The following CEP112 variants were observed in gnomAD, a reference collection of about 807,000 sequenced individuals.
The protein encoded by CEP112 is centrosomal protein 112.
Under a neutral mutation model 153.0 loss-of-function variants are expected in CEP112, and 127 were observed. The ratio of observed to expected loss-of-function variants is 0.83; its 90% CI spans 0.72 to 0.96. The LOEUF (loss-of-function observed/expected upper bound fraction) is 0.96. CEP112 is among the 40% of genes least tolerant of loss of function. The pLI is 0.00. For synonymous variants in CEP112, 358 were observed against 374.4 expected (o/e 0.96, Z 0.51); for missense variants, 1,089 against 1,101.2 (o/e 0.99, Z 0.16).
chr17:65,689,319 T>A (rs982740002), intron 23 of CEP112, 101 bp from the exon 24 acceptor site: 2 of 745,116 alleles, frequency 2.7e-6, no homozygotes, highest in Non-Finnish European at 2.2e-6. Flanking sequence ...ATCTCTAGTT[T>A]ATTACTCTTG....
chr17:65,694,975 T>A (rs1372231469), intron 23 of CEP112, among the ~76,000 whole-genome samples: 1 of 152,222 alleles, frequency 6.6e-6, no homozygotes, highest in Non-Finnish European at 1.5e-5. Context: ...TGCAGAACTG[T>A]CCCTCCTCTC....
intron 23 of CEP112, among the ~76,000 whole-genome samples, chr17:65,725,569 G>A (rs1271205457): frequency 6.6e-6 from 1 of 152,114 alleles, no homozygotes; most frequent in African/African-American, 2.4e-5. Context: ...CAGTCGCCTG[G>A]GCCTCCCAAA....
intron 23 of CEP112, among the ~76,000 whole-genome samples, chr17:65,689,884 T>C (rs894856111): frequency 5.3e-5 from 8 of 152,112 alleles, no homozygotes; most frequent in Admixed American, 2.0e-4. Flanking sequence ...AAAGAACTTG[T>C]AGTTTCCATG....
At chr17:66,112,695 G>A (rs950878956) in intron 6 of CEP112, among the ~76,000 whole-genome samples, 1 of 152,150 alleles carries the variant, frequency 6.6e-6, no homozygotes, top group Non-Finnish European at 1.5e-5. Context: ...TGTAATCTCA[G>A]CACTTTGGGA....
rs1218728276 is a variant in CEP112 at position 66,074,865 on chromosome 17, AAAAAAAAG to A, written c.769-4872_769-4865del. Among the ~76,000 whole-genome samples the A allele has an allele frequency of 2.7e-5, 4 of 149,750 alleles. No homozygotes were observed. In the East Asian group the frequency reaches 5.9e-4, roughly 22 times the overall value. ...TGACAGAGTGAGGCTCTGTCTAAAA[AAAAAAAAG>A]AAAAAAAAAAAAAAAGAAAAATCTT... On this transcript the variant is annotated intron_variant, in intron 8 of 26. Transcript: ENST00000535342.
chr17:66,070,172 T>C (rs1368867296), intron 8 of CEP112, among the ~76,000 whole-genome samples, 171 bp from the exon 9 acceptor site: 2 of 152,118 alleles, frequency 1.3e-5, no homozygotes, highest in Non-Finnish European at 2.9e-5. Flanking sequence ...TTTATTTCAG[T>C]CCTCTAATTA....
intron 23 of CEP112, among the ~76,000 whole-genome samples, chr17:65,741,923 AT>A (rs2051161339): frequency 1.3e-5 from 2 of 152,030 alleles, no homozygotes; most frequent in Non-Finnish European, 2.9e-5. Context: ...TGAAAAAAAA[AT>A]CTCTCTTTTT....
At chr17:65,804,368 T>C (rs1226867412) in intron 21 of CEP112, 1 of 152,194 alleles carries the variant, frequency 6.6e-6, no homozygotes, top group Non-Finnish European at 1.5e-5. Flanking sequence ...ATTTCAAATG[T>C]AGATGAATAC....
chr17:66,161,503 TA>T (rs566985724), intron 4 of CEP112, among the ~76,000 whole-genome samples: 121 of 151,678 alleles, frequency 8.0e-4, no homozygotes, highest in Non-Finnish European at 1.4e-3. Context: ...TATGCAGCCA[TA>T]AAAAAAAGGA....
chr17:66,143,892 C>T (rs570551932), intron 4 of CEP112, among the ~76,000 whole-genome samples: 1 of 152,332 alleles, frequency 6.6e-6, no homozygotes, highest in Admixed American at 6.5e-5. Context: ...GATTTCAGAA[C>T]TGCTATAAAC....
At chr17:66,138,056 GTCAA>G (rs769139412) in intron 4 of CEP112, among the ~76,000 whole-genome samples, 1 of 152,114 alleles carries the variant, frequency 6.6e-6, no homozygotes, top group African/African-American at 2.4e-5. Context: ...CGCACAGAAA[GTCAA>G]TCAATGAGAT....
chr17:65,750,801 C>T, intron 21 of CEP112, 77 bp from the exon 22 acceptor site: 1 of 1,350,344 alleles, frequency 7.4e-7, no homozygotes, highest in South Asian at 1.2e-5. Flanking sequence ...TATCACCAGG[C>T]AGCTGGGATG....
chr17:65,883,263 CATATAT>C (rs34264279), intron 20 of CEP112, among the ~76,000 whole-genome samples: 6 of 146,822 alleles, frequency 4.1e-5, no homozygotes, highest in Non-Finnish European at 6.0e-5. Context: ...AAGAAGTTTA[CATATAT>C]ATATATATAT....
chr17:65,955,466 A>G (rs1239082368), intron 18 of CEP112, among the ~76,000 whole-genome samples: 1 of 152,154 alleles, frequency 6.6e-6, no homozygotes, highest in Non-Finnish European at 1.5e-5. Flanking sequence ...TCAGGCAACA[A>G]ATGGCACGAT....
chr17:65,834,201 C>G (rs2057208805), intron 21 of CEP112, among the ~76,000 whole-genome samples: 1 of 152,096 alleles, frequency 6.6e-6, no homozygotes, highest in African/African-American at 2.4e-5. Flanking sequence ...AAAATCAACT[C>G]AAGAATAATT....
At chr17:65,821,537 TATA>T (rs539382802) in intron 21 of CEP112, among the ~76,000 whole-genome samples, 1,060 of 35,438 alleles carry the variant, frequency 0.03, 37 homozygotes, top group East Asian at 0.069. Flanking sequence ...TATATATATA[TATA>T]TTTTTTTTTT....
At chr17:66,011,870 C>A (rs2064543445) in intron 16 of CEP112, among the ~76,000 whole-genome samples, 1 of 152,118 alleles carries the variant, frequency 6.6e-6, no homozygotes, top group African/African-American at 2.4e-5. Flanking sequence ...TTTCATAGGT[C>A]TCTAAGAATT....
At chr17:65,916,860 T>C (rs927177104) in intron 19 of CEP112, among the ~76,000 whole-genome samples, 1 of 152,096 alleles carries the variant, frequency 6.6e-6, no homozygotes, top group Non-Finnish European at 1.5e-5. Context: ...CTTTGCTCTT[T>C]TAATATTCAC....
Position 66,191,327 on chromosome 17 carries a change from T to G in CEP112, c.-9+670A>C, listed in dbSNP as rs1204434778. ...TTTAATGTGCCTTTTCTATCTTATT[T>G]TGACTCATCTTAAAATATTAAAAAC... On this transcript the variant is annotated intron_variant, in intron 1 of 26. Transcript: ENST00000535342. The surrounding 1 kb of genome is among the most constrained non-coding windows in gnomAD (Gnocchi z 4.2). 6.6e-6 allele frequency among the ~76,000 whole-genome samples: 1 copy of G among 152,222 alleles called. No individual in the cohort carries two copies. Among genetic ancestry groups the G allele is most frequent in the Non-Finnish European group, 1.5e-5 (1 of 68,032 alleles).
Sources: gnomAD v4.1 joint callset for allele counts (sites outside exome capture counted in the v4.1 genomes callset) on GRCh38, gnomAD v4.1.1 for gene constraint, Gnocchi (gnomAD v3.1) non-coding constraint, MANE v1.5 for transcripts, NCBI Gene and HGNC (gene_info 2026-07-23, HGNC 2026-07-21) for gene names.